Variants in ARPC1A observed in about 807,000 individuals in gnomAD.
ARPC1A encodes the protein actin-related protein 2/3 complex subunit 1A.
ARPC1A carries 8 observed loss-of-function variants against 46.9 expected under a neutral mutation model. The observed-to-expected ratio is 0.17, with a 90% CI of 0.10 to 0.31. ARPC1A has a LOEUF of 0.31. ARPC1A is among the 10% of genes least tolerant of loss of function. The pLI is 1.00. For synonymous variants in ARPC1A, 152 were observed against 169.0 expected, an observed-to-expected ratio of 0.90 and a Z score of 0.78; for missense variants, 286 against 483.6, an observed-to-expected ratio of 0.59 and a Z score of 3.83.
intron 4 of ARPC1A, among the ~76,000 whole-genome samples, chr7:99,347,009 G>A (rs977190799): frequency 4.6e-5 from 7 of 152,074 alleles, no homozygotes; most frequent in African/African-American, 9.7e-5. Flanking sequence ...GAAACAATTC[G>A]AAATACTGTC....
At chr7:99,338,019 T>TA (rs527388694) in intron 2 of ARPC1A, among the ~76,000 whole-genome samples, 162 bp from the exon 3 acceptor site, 13 of 149,624 alleles carry the variant, frequency 8.7e-5, no homozygotes, top group East Asian at 5.8e-4. Flanking sequence ...AAGTAAAGGT[T>TA]AAAAAAAAAA....
intron 2 of ARPC1A, among the ~76,000 whole-genome samples, chr7:99,335,851 G>A (rs1478246724): frequency 6.6e-6 from 1 of 152,092 alleles, no homozygotes; most frequent in Non-Finnish European, 1.5e-5. Context: ...TTACTCGGGA[G>A]GCTGAGGCAG....
chr7:99,335,602 A>C (rs890051104), intron 2 of ARPC1A: 1 of 288,756 alleles, frequency 3.5e-6, no homozygotes, highest in East Asian at 1.4e-4. Flanking sequence ...ATTTCTTTTA[A>C]GACGTCAGCT....
In ARPC1A at chr7:99,347,368, G is replaced by A. The variant is rs143557985; in HGVS notation, c.393-1484G>A. On this transcript the variant is annotated intron_variant, in intron 4 of 9. Transcript: ENST00000262942. ...GTATAGTTGCAAGCCTCTGCACCTG[G>A]CTGTCTTTTTCAGAATGAACTTCTT... Among the ~76,000 whole-genome samples, 1,140 of 152,260 alleles carry A rather than the reference G, an allele frequency of 7.5e-3. 14 individuals carry two copies. The highest frequency in any genetic ancestry group is 0.027 in the African/African-American group (1,104 of 41,550).
chr7:99,344,198 C>T (rs1160642925), intron 3 of ARPC1A, 95 bp from the exon 4 acceptor site: 4 of 1,127,710 alleles, frequency 3.5e-6, no homozygotes, highest in Middle Eastern at 2.3e-4. Flanking sequence ...CCCAAGACCA[C>T]GTCTCATCCT....
intron 1 of ARPC1A, among the ~76,000 whole-genome samples, chr7:99,327,662 T>C (rs1793069050): frequency 6.6e-6 from 1 of 152,072 alleles, no homozygotes; most frequent in Non-Finnish European, 1.5e-5. Context: ...AGAGATCTTC[T>C]GGAGTTCATC....
chr7:99,347,890 A>G lies in ARPC1A; in HGVS notation c.393-962A>G, dbSNP rs148629829. Among the ~76,000 whole-genome samples the G allele has an allele frequency of 5.9e-3, 905 of 152,168 alleles. 10 individuals are homozygous for G. The highest frequency in any genetic ancestry group is 0.021 in the African/African-American group (861 of 41,542). ...GAAAGGTAATTTAGCATTGAAGGAAAGGCATTGGCTCAATATTTAGTCTCC... is the reference window on the plus strand; with the variant it reads ...GAAAGGTAATTTAGCATTGAAGGAAGGGCATTGGCTCAATATTTAGTCTCC... On this transcript the variant is annotated intron_variant, in intron 4 of 9. Transcript: ENST00000262942.
chr7:99,354,084 A>G lies in ARPC1A; in HGVS notation c.676A>G (p.Ser226Gly). 6.2e-7 allele frequency: 1 copy of G among 1,614,098 alleles called. No homozygotes were observed. The highest frequency in any genetic ancestry group is 8.5e-7 in the Non-Finnish European group (1 of 1,179,974). The change falls in exon 6 of 10, where the codon AGC (serine) becomes GGC (glycine). Residue 226 changes from serine (S) to glycine (G), a missense_variant. By Grantham distance (56) the Ser-to-Gly change is moderately conservative (BLOSUM62 0). Coordinates refer to ENST00000262942, the MANE Select transcript of ARPC1A (RefSeq NM_006409.4). ...CCGCCTGGCCTGGGTCAGCCACGACAGCACCGTGTCTGTTGCTGATGCCTC... is the reference window on the plus strand; with the variant it reads ...CCGCCTGGCCTGGGTCAGCCACGACGGCACCGTGTCTGTTGCTGATGCCTC... The part of the protein sequence containing the change: ...GSRLAWVSHD[S>G]TVSVADASKS...
At chr7:99,328,007 G>T (rs1485068998) in intron 1 of ARPC1A, among the ~76,000 whole-genome samples, 1 of 152,104 alleles carries the variant, frequency 6.6e-6, no homozygotes, top group Non-Finnish European at 1.5e-5. Flanking sequence ...GTAGGGCCAA[G>T]AATTTATAGC....
intron 7 of ARPC1A, among the ~76,000 whole-genome samples, chr7:99,359,113 G>C (rs917395580): frequency 6.6e-6 from 1 of 150,684 alleles, no homozygotes; most frequent in African/African-American, 2.4e-5. Flanking sequence ...TTACAGGTGT[G>C]AGCCACCGTG....
intron 3 of ARPC1A, chr7:99,339,800 C>G (rs1437727167): frequency 3.6e-6 from 1 of 281,378 alleles, no homozygotes; most frequent in African/African-American, 2.2e-5. Context: ...ATAGGCATCC[C>G]TTGATTTCTG....
chr7:99,335,395 G>A, intron 2 of ARPC1A: 1 of 444,916 alleles, frequency 2.2e-6, no homozygotes, highest in East Asian at 7.4e-5. Context: ...AAAGATGAGA[G>A]TTTATTTCTG....
rs56148288 is a variant in ARPC1A at position 99,335,960 on chromosome 7, G to GA, written c.65-2209dup. On this transcript the variant is annotated intron_variant, in intron 2 of 9. Transcript: ENST00000262942. ...CAGAGTGAGACTCAGTCTCAAAAAA[G>GA]AAAAAAAAAAAAGCCTCTGTATTGG... Among the ~76,000 whole-genome samples, 169 of 128,674 alleles carry GA rather than the reference G, an allele frequency of 1.3e-3. 1 individual carries two copies. The highest frequency in any genetic ancestry group is 4.0e-3 in the Middle Eastern group (1 of 248). 84.4% of individuals were successfully genotyped at this position (128,674 alleles called of 152,430 possible).
In ARPC1A at chr7:99,333,292, G is replaced by A. The variant is rs1584374597; in HGVS notation, c.-29-33G>A. 8 of 1,397,210 alleles carry A rather than the reference G, an allele frequency of 5.7e-6. No individual in the cohort carries two copies. The East Asian group carries it at 1.4e-4, about 24-fold the overall frequency. The allele number at this position is 1,397,210 out of a possible 1,614,324, so 86.6% of individuals were successfully genotyped here. ...ATTGGTTACTTGCCTTTTCCCTATT[G>A]TATAAAATGCTTTTTGTTATTGTTC... On this transcript the variant is annotated intron_variant, in intron 1 of 9. Coordinates refer to ENST00000262942, the MANE Select transcript of ARPC1A (RefSeq NM_006409.4).
At chr7:99,361,232 A>G (rs755644064) in intron 8 of ARPC1A, among the ~76,000 whole-genome samples, 1 of 152,100 alleles carries the variant, frequency 6.6e-6, no homozygotes, top group Non-Finnish European at 1.5e-5. Context: ...ACCTGGCACC[A>G]TGTCTCACAC....
chr7:99,360,202 T>C (rs1793715619), intron 8 of ARPC1A: 1 of 175,252 alleles, frequency 5.7e-6, no homozygotes, highest in South Asian at 1.3e-4. Flanking sequence ...AGAAGATTAT[T>C]TAATTAAAGG....
At chr7:99,346,980 A>G (rs1236458167) in intron 4 of ARPC1A, among the ~76,000 whole-genome samples, 1 of 152,188 alleles carries the variant, frequency 6.6e-6, no homozygotes, top group Non-Finnish European at 1.5e-5. Flanking sequence ...CTCTGTCTCA[A>G]AAAATATGTA....
chr7:99,328,186 A>G (rs1253767166), intron 1 of ARPC1A, among the ~76,000 whole-genome samples: 1 of 152,170 alleles, frequency 6.6e-6, no homozygotes, highest in Non-Finnish European at 1.5e-5. Context: ...CCTGACCAAC[A>G]TGGAGAAACC....
intron 6 of ARPC1A, among the ~76,000 whole-genome samples, chr7:99,357,850 C>T (rs1584386104): frequency 6.6e-6 from 1 of 152,302 alleles, no homozygotes; most frequent in African/African-American, 2.4e-5. Context: ...AGCTCTAGCT[C>T]CTAACACAGT....
Sources: allele counts gnomAD v4.1 joint callset (sites outside exome capture counted in the v4.1 genomes callset), GRCh38; gene constraint gnomAD v4.1.1; transcripts MANE v1.5; gene names NCBI Gene and HGNC (gene_info 2026-07-23, HGNC 2026-07-21).